Variants in LUZP2 observed in about 807,000 individuals in gnomAD.
LUZP2 encodes leucine zipper protein 2.
LUZP2 carries 52 observed loss-of-function variants against 51.6 expected under a neutral mutation model. The observed-to-expected ratio is 1.01, with a 90% CI of 0.81 to 1.27. The LOEUF (loss-of-function observed/expected upper bound fraction) is 1.27, where lower values mean the gene tolerates loss of function less well. LUZP2 is among the 50% of genes most tolerant of loss of function. The probability of loss-of-function intolerance (pLI) is 0.00; values close to 1 mark genes in which losing one functional copy is unlikely to be tolerated. For synonymous variants in LUZP2, 154 were observed against 137.3 expected, an observed-to-expected ratio of 1.12 and a Z score of -0.85; for missense variants, 436 against 395.4, an observed-to-expected ratio of 1.10 and a Z score of -0.87.
chr11:24,533,430 T>C (rs937506758), intron 1 of LUZP2, among the ~76,000 whole-genome samples: 1 of 151,390 alleles, frequency 6.6e-6, no homozygotes, highest in African/African-American at 2.4e-5. Context: ...AACAAAATAA[T>C]ACTTGCACGG....
chr11:24,840,691 T>C (rs1851002057), intron 5 of LUZP2, among the ~76,000 whole-genome samples: 1 of 151,948 alleles, frequency 6.6e-6, no homozygotes, highest in African/African-American at 2.4e-5. Context: ...TGGGTAAAGT[T>C]AAGCCGATAG....
At chr11:24,551,402 A>AGCC (rs1292226275) in intron 1 of LUZP2, among the ~76,000 whole-genome samples, 1 of 152,072 alleles carries the variant, frequency 6.6e-6, no homozygotes, top group Non-Finnish European at 1.5e-5. Context: ...ATAAGAATAT[A>AGCC]AAATGATGAT....
chr11:24,727,835 A>C (rs140968389), intron 1 of LUZP2, among the ~76,000 whole-genome samples: 1 of 147,024 alleles, frequency 6.8e-6, no homozygotes, highest in African/African-American at 2.4e-5. Context: ...CTAGATACCT[A>C]TATTTAGCAA....
intron 1 of LUZP2, among the ~76,000 whole-genome samples, chr11:24,539,720 A>G (rs1420136428): frequency 6.6e-6 from 1 of 152,062 alleles, no homozygotes; most frequent in Non-Finnish European, 1.5e-5. Context: ...TTATTAACCT[A>G]CAATGCCTTT....
chr11:24,871,858 T>C (rs373207335), intron 5 of LUZP2, among the ~76,000 whole-genome samples: 3 of 152,260 alleles, frequency 2.0e-5, no homozygotes, highest in East Asian at 3.9e-4. Flanking sequence ...CAACATGCTA[T>C]GCAGTTACGT....
At chr11:24,703,744 G>A (rs545888038) in intron 1 of LUZP2, among the ~76,000 whole-genome samples, 11 of 151,858 alleles carry the variant, frequency 7.2e-5, no homozygotes, top group East Asian at 3.9e-4. Flanking sequence ...CAGGAGAATC[G>A]CTTGAACCTG....
intron 8 of LUZP2, among the ~76,000 whole-genome samples, chr11:24,978,652 G>C (rs1017759452): frequency 9.9e-5 from 15 of 151,686 alleles, no homozygotes; most frequent in Non-Finnish European, 2.9e-5. Context: ...AAGGTCTTGG[G>C]TCCCATATCT....
At chr11:24,902,252 T>C (rs1185008664) in intron 5 of LUZP2, among the ~76,000 whole-genome samples, 1 of 152,106 alleles carries the variant, frequency 6.6e-6, no homozygotes, top group Non-Finnish European at 1.5e-5. Context: ...ACAGATTATT[T>C]TGGCACCCAG....
At chr11:24,571,065 T>C (rs1461786614) in intron 1 of LUZP2, among the ~76,000 whole-genome samples, 1 of 152,074 alleles carries the variant, frequency 6.6e-6, no homozygotes, top group Non-Finnish European at 1.5e-5. Context: ...TAGACTACTA[T>C]TCCACAAAAA....
At chr11:24,779,958 T>A (rs1849040200) in intron 5 of LUZP2, among the ~76,000 whole-genome samples, 2 of 152,082 alleles carry the variant, frequency 1.3e-5, no homozygotes, top group Non-Finnish European at 2.9e-5. Flanking sequence ...CATGAGAAAG[T>A]GGAAGAGGCA....
At chr11:24,514,238 C>T (rs1251127911) in intron 1 of LUZP2, among the ~76,000 whole-genome samples, 1 of 151,834 alleles carries the variant, frequency 6.6e-6, no homozygotes, top group Non-Finnish European at 1.5e-5. Flanking sequence ...TCTTTTCTGG[C>T]AATTAAAAAT....
chr11:24,503,827 C>A (rs377712247), intron 1 of LUZP2, among the ~76,000 whole-genome samples: 2 of 152,088 alleles, frequency 1.3e-5, no homozygotes, highest in African/African-American at 4.8e-5. Context: ...CTAGTTAGTA[C>A]CTATGAAGAA....
chr11:24,528,946 G>A (rs1425288249), intron 1 of LUZP2, among the ~76,000 whole-genome samples: 1 of 151,066 alleles, frequency 6.6e-6, no homozygotes, highest in Non-Finnish European at 1.5e-5. Context: ...TGATCAGATG[G>A]TAGAATGCTG....
At chr11:24,622,501 G>A (rs1004647327) in intron 1 of LUZP2, among the ~76,000 whole-genome samples, 8 of 152,024 alleles carry the variant, frequency 5.3e-5, no homozygotes, top group Admixed American at 2.6e-4. Context: ...CTGAGACACC[G>A]CACCAGGCCT....
intron 5 of LUZP2, among the ~76,000 whole-genome samples, chr11:24,835,501 C>G (rs1016169498): frequency 3.3e-5 from 5 of 152,032 alleles, no homozygotes; most frequent in African/African-American, 1.2e-4. Context: ...GCAAAATAAA[C>G]TAGCATCAGA....
chr11:24,917,337 G>C (rs1368967739), intron 7 of LUZP2, among the ~76,000 whole-genome samples: 1 of 151,940 alleles, frequency 6.6e-6, no homozygotes, highest in Non-Finnish European at 1.5e-5. Flanking sequence ...TTTTTAGTTT[G>C]ATTAGATCCC....
chr11:24,810,204 T>TAC (rs199538112), intron 5 of LUZP2, among the ~76,000 whole-genome samples: 4 of 152,058 alleles, frequency 2.6e-5, no homozygotes, highest in African/African-American at 4.8e-5. Flanking sequence ...ATGAAATCAG[T>TAC]ACACACACAC....
At position 24,607,341 on chromosome 11, in the gene LUZP2, C is replaced by CTTTTTTTTTTTTTTTTTTTTTTTTT. The variant is rs57741208; in HGVS notation, c.62+110041_62+110065dup. 6.3e-5 allele frequency among the ~76,000 whole-genome samples: 4 copies of CTTTTTTTTTTTTTTTTTTTTTTTTT among 63,416 alleles called. 1 individual carries two copies. The highest frequency in any genetic ancestry group is 5.5e-5 in the African/African-American group (1 of 18,218). 41.6% of individuals were successfully genotyped at this position (63,416 alleles called of 152,430 possible). On this transcript the variant is annotated intron_variant, in intron 1 of 11. Coordinates refer to ENST00000336930, the MANE Select transcript of LUZP2 (RefSeq NM_001009909.4). ...GTGGTATAAGATGGGGATATTATGTCTTTTTTTTTTTTTTTTTTTTTTTTT... is the reference window on the plus strand; with the variant it reads ...GTGGTATAAGATGGGGATATTATGTCTTTTTTTTTTTTTTTTTTTTTTTTTTTTTTTTTTTTTTTTTTTTTTTTTT...
chr11:25,026,081 G>A (rs1451147510), intron 9 of LUZP2, among the ~76,000 whole-genome samples: 1 of 144,196 alleles, frequency 6.9e-6, no homozygotes, highest in Non-Finnish European at 1.5e-5. Context: ...TCATAGGTGG[G>A]AATTGAAGAA....
Sources: gnomAD v4.1 joint callset for allele counts (sites outside exome capture counted in the v4.1 genomes callset) on GRCh38, gnomAD v4.1.1 for gene constraint, MANE v1.5 for transcripts, NCBI Gene and HGNC (gene_info 2026-07-23, HGNC 2026-07-21) for gene names.